The following AKAP9 variants were observed in gnomAD, a reference collection of about 807,000 sequenced individuals.
The protein encoded by AKAP9 is A-kinase anchoring protein 9, also known as A-kinase anchor protein 9.
A neutral mutation model predicts 488.5 loss-of-function variants in AKAP9; 311 were observed. The observed-to-expected ratio is 0.64, with a 90% CI of 0.58 to 0.70. The LOEUF (loss-of-function observed/expected upper bound fraction) is 0.70. Ranked by LOEUF, AKAP9 falls within the 30% of genes least tolerant of loss-of-function variation. AKAP9 has a pLI of 0.00. For missense variants in AKAP9, 4,215 were observed against 4,374.5 expected (o/e 0.96, Z 1.03); for synonymous variants, 1,462 against 1,483.5 (o/e 0.99, Z 0.33).
In AKAP9 at chr7:92,061,394, G is replaced by A; in HGVS notation, c.5736G>A (p.Gln1912=). ...ATGAGGAGTCCAGGGCCAGAGAACA[G>A]CTAGCTGTGGAGCTCAGTAAGGCTG... The part of the protein sequence containing the change: ...RLHEESRARE[Q]LAVELSKAEG... Residue 1912 remains glutamine (Q), a synonymous_variant, in exon 23 of 50, where the codon CAG becomes CAA. Coordinates refer to ENST00000356239, the MANE Select transcript of AKAP9 (RefSeq NM_005751.5). 6.2e-7 allele frequency: 1 copy of A among 1,612,742 alleles called. No individual in the cohort carries two copies. The highest frequency in any genetic ancestry group is 8.5e-7 in the Non-Finnish European group (1 of 1,179,372).
rs572170065 is a variant in AKAP9 at position 91,985,111 on chromosome 7, C to G, written c.351+4778C>G. 3.7e-4 allele frequency among the ~76,000 whole-genome samples: 56 copies of G among 152,284 alleles called. 1 individual carries two copies. The East Asian group carries it at 5.2e-3, about 14-fold the overall frequency. On this transcript the variant is annotated intron_variant, in intron 3 of 49. Coordinates refer to ENST00000356239, the MANE Select transcript of AKAP9 (RefSeq NM_005751.5). Reference sequence around the variant, plus strand: ...CTAATTGAATACCCTTTATTTCTTTCTCTTGTCTGATTGCCCTGGCCAGAA... The same window carrying G: ...CTAATTGAATACCCTTTATTTCTTTGTCTTGTCTGATTGCCCTGGCCAGAA...
rs761387563 is a variant in AKAP9, at chr7:92,079,648, G to A, written c.7515G>A (p.Glu2505=). 6 of 1,613,768 alleles carry A rather than the reference G, an allele frequency of 3.7e-6. No homozygotes were observed. In the African/African-American group the frequency reaches 6.7e-5, roughly 18 times the overall value. The change falls in exon 31 of 50, where the codon GAG becomes GAA. Residue 2505 remains glutamate (E), a synonymous_variant. Coordinates refer to ENST00000356239, the MANE Select transcript of AKAP9 (RefSeq NM_005751.5). The part of the protein sequence containing the change: ...INLETRLLQL[E]STVSAKDLEL... ...TGGAAACAAGGTTGCTACAACTTGA[G>A]AGCACTGTTAGTGCAAAGGACTTAG...
chr7:91,975,493 T>A (rs560934370), intron 2 of AKAP9, among the ~76,000 whole-genome samples: 1 of 152,352 alleles, frequency 6.6e-6, no homozygotes, highest in African/African-American at 2.4e-5. Flanking sequence ...TAAGTTCTAA[T>A]AGGTTTTTTG....
chr7:92,083,424 A>G lies in AKAP9; in HGVS notation c.8415A>G (p.Gln2805=), dbSNP rs1236740692. ...TTCTTGTTAAAAATGCAGGAATACAAATTAATTTACAGAGTGAATGTTCCT... is the reference window on the plus strand; with the variant it reads ...TTCTTGTTAAAAATGCAGGAATACAGATTAATTTACAGAGTGAATGTTCCT... ...PQILVKNAGI[Q]INLQSECSSE... The change falls in exon 33 of 50, where the codon CAA becomes CAG. Residue 2805 remains glutamine (Q), a synonymous_variant. Transcript: ENST00000356239. The G allele has an allele frequency of 2.4e-5, 39 of 1,613,946 alleles. No individual in the cohort carries two copies. The highest frequency in any genetic ancestry group is 3.3e-5 in the Non-Finnish European group (39 of 1,180,010).
intron 9 of AKAP9, 149 bp from the exon 10 acceptor site, chr7:92,014,100 A>G (rs1046430722): frequency 1.8e-5 from 12 of 657,000 alleles, no homozygotes; most frequent in East Asian, 1.1e-4. Context: ...TTCTGAGACA[A>G]TGTTGAGCAA....
chr7:91,987,435 G>T (rs1373947386), intron 3 of AKAP9, among the ~76,000 whole-genome samples: 1 of 151,592 alleles, frequency 6.6e-6, no homozygotes, highest in Admixed American at 6.6e-5. Context: ...AAAAAAAGAA[G>T]AAAAAAGATA....
At chr7:91,949,150 G>A (rs1791883490) in intron 1 of AKAP9, among the ~76,000 whole-genome samples, 1 of 151,604 alleles carries the variant, frequency 6.6e-6, no homozygotes, top group South Asian at 2.1e-4. Context: ...AATTATATAT[G>A]TATATAAAAT....
chr7:91,983,749 CACAA>C (rs1342816461), intron 3 of AKAP9, among the ~76,000 whole-genome samples: 12 of 152,214 alleles, frequency 7.9e-5, no homozygotes, highest in Admixed American at 7.9e-4. Context: ...TTTACACTCC[CACAA>C]ACAGTGTAAA....
At chr7:92,107,587 A>G in intron 48 of AKAP9, 165 bp downstream of exon 48, 1 of 679,580 alleles carries the variant, frequency 1.5e-6, no homozygotes, top group Non-Finnish European at 2.5e-6. Flanking sequence ...CTATAATCCC[A>G]GCACTTTGGG....
chr7:91,945,188 C>T (rs1791311523), intron 1 of AKAP9, among the ~76,000 whole-genome samples: 1 of 151,982 alleles, frequency 6.6e-6, no homozygotes, highest in Non-Finnish European at 1.5e-5. Flanking sequence ...TAGTGAGACC[C>T]CATCTCTAAA....
Position 92,105,503 on chromosome 7 carries a change from A to G in AKAP9, c.11331-175A>G, listed in dbSNP as rs143021509. Among the ~76,000 whole-genome samples, 563 of 152,270 alleles carry G rather than the reference A, an allele frequency of 3.7e-3. 6 individuals carry two copies. Among genetic ancestry groups the G allele is most frequent in the African/African-American group, 0.013 (533 of 41,552 alleles). ...GGGGATGAGGGGATTTTGAGTCCCT[A>G]TTCTTCCGTTCCAGTTGATTTTGTC... On this transcript the variant is annotated intron_variant, in intron 46 of 49. Transcript: ENST00000356239.
chr7:92,032,784 T>C (rs1804505189), intron 16 of AKAP9, among the ~76,000 whole-genome samples: 1 of 152,130 alleles, frequency 6.6e-6, no homozygotes, highest in Non-Finnish European at 1.5e-5. Context: ...TAGCTTTCAA[T>C]GTCTAGTTCT....
At chr7:92,034,948 G>T (rs1804948321) in intron 16 of AKAP9, among the ~76,000 whole-genome samples, 2 of 151,896 alleles carry the variant, frequency 1.3e-5, no homozygotes, top group Admixed American at 1.3e-4. Context: ...TATTGTTTTT[G>T]TTTTTATTTT....
chr7:92,061,584 C>CTATATATATATATA (rs71528033), intron 23 of AKAP9, among the ~76,000 whole-genome samples, 162 bp downstream of exon 23: 1,545 of 102,134 alleles, frequency 0.015, 35 homozygotes, highest in East Asian at 0.027. Context: ...ATTTTTAAAA[C>CTATATATATATATA]TATATATATA....
At chr7:92,085,711 A>G in intron 36 of AKAP9, 25 bp downstream of exon 36, 1 of 1,528,478 alleles carries the variant, frequency 6.5e-7, no homozygotes, top group South Asian at 1.2e-5. Context: ...CTATGCATTT[A>G]AATCATTTTA....
At position 91,968,975 on chromosome 7, in the gene AKAP9, G is replaced by A. The variant is rs187281109; in HGVS notation, c.49-4736G>A. On this transcript the variant is annotated intron_variant, in intron 1 of 49. Coordinates refer to ENST00000356239, the MANE Select transcript of AKAP9 (RefSeq NM_005751.5). ...TAGCCTCTACCTCCTGGGCTCAAGCGATCCTCCTGCCTCAGCCTCTCAAGT... is the reference window on the plus strand; with the variant it reads ...TAGCCTCTACCTCCTGGGCTCAAGCAATCCTCCTGCCTCAGCCTCTCAAGT... Among the ~76,000 whole-genome samples the A allele has an allele frequency of 4.3e-4, 66 of 152,044 alleles. 1 individual carries two copies. Among genetic ancestry groups the A allele is most frequent in the South Asian group, 1.9e-3 (9 of 4,814 alleles).
At position 92,022,820 on chromosome 7, in the gene AKAP9, A is replaced by G. The variant is rs370061409; in HGVS notation, c.3959A>G (p.Asn1320Ser). The G allele has an allele frequency of 1.3e-5, 20 of 1,586,290 alleles. No individual in the cohort carries two copies. Among genetic ancestry groups the G allele is most frequent in the Admixed American group, 6.7e-5 (4 of 59,662 alleles). The change falls in exon 14 of 50, where the codon AAT becomes AGT. Residue 1320 changes from asparagine (N) to serine (S), a missense_variant. Physicochemically the swap from Asn to Ser is conservative, Grantham distance 46. Transcript: ENST00000356239. ...GTCTCTTTATATAACATAGATGTCAATCATAAAAGCAAGTTATCTTCTCTG... is the reference window on the plus strand; with the variant it reads ...GTCTCTTTATATAACATAGATGTCAGTCATAAAAGCAAGTTATCTTCTCTG... ...QMTNLEDIDV[N>S]HKSKLSSLQD... is the part of the protein sequence containing the mutation.
rs1197408861 is a variant in AKAP9 at position 92,082,521 on chromosome 7, G to A, written c.8020-1G>A. 1 of 1,613,322 alleles carries A rather than the reference G, an allele frequency of 6.2e-7. No homozygotes were observed. Among genetic ancestry groups the A allele is most frequent in the Non-Finnish European group, 8.5e-7 (1 of 1,179,652 alleles). ...TTTCTTGTGTTTCCGCTGTCATTCA[G>A]ACAACTACTGAGCTATTTCATAGCA... On this transcript the variant is annotated splice_acceptor_variant, in intron 31 of 49. Coordinates refer to ENST00000356239, the MANE Select transcript of AKAP9 (RefSeq NM_005751.5). LOFTEE classifies it high-confidence loss of function.
At chr7:92,055,631 A>G (rs1310950632) in intron 22 of AKAP9, among the ~76,000 whole-genome samples, 2 of 152,084 alleles carry the variant, frequency 1.3e-5, no homozygotes, top group African/African-American at 4.8e-5. Flanking sequence ...CCTGGCGATA[A>G]TAAGCTAGTC....
Sources: allele counts gnomAD v4.1 joint callset (sites outside exome capture counted in the v4.1 genomes callset), GRCh38; gene constraint gnomAD v4.1.1; transcripts MANE v1.5; gene names NCBI Gene and HGNC (gene_info 2026-07-23, HGNC 2026-07-21).